Variants in MBP observed in about 807,000 individuals in gnomAD.
MBP encodes the protein myelin basic protein, also known as Golli-MBP.
In MBP, 16 loss-of-function variants were observed where a neutral mutation model predicts 35.8. That is an observed-to-expected ratio of 0.45 (90% CI 0.30 to 0.68). The LOEUF is 0.68. Among genes scored for constraint, MBP ranks in the 30% least tolerant of loss-of-function variants. The pLI, the probability that MBP is intolerant of heterozygous loss-of-function variation, is 0.08. For missense variants in MBP, 380 were observed against 404.7 expected (o/e 0.94, Z 0.52); for synonymous variants, 143 against 159.6 (o/e 0.90, Z 0.78).
chr18:77,019,940 G>C (rs1163458631), intron 3 of MBP, among the ~76,000 whole-genome samples: 1 of 152,178 alleles, frequency 6.6e-6, no homozygotes, highest in African/African-American at 2.4e-5. Flanking sequence ...AACCTGGGAG[G>C]CAGGAGGGCC....
At chr18:77,041,198 C>T (rs1449276973) in intron 3 of MBP, among the ~76,000 whole-genome samples, 1 of 152,190 alleles carries the variant, frequency 6.6e-6, no homozygotes, top group African/African-American at 2.4e-5. Context: ...CACTGGTCAT[C>T]AGAGAAATGC....
intron 2 of MBP, among the ~76,000 whole-genome samples, chr18:77,072,206 T>A (rs1475151099): frequency 2.0e-5 from 3 of 152,134 alleles, no homozygotes; most frequent in African/African-American, 7.2e-5. Context: ...TATGCACAAA[T>A]CTGAATATGG....
intron 2 of MBP, among the ~76,000 whole-genome samples, chr18:77,082,639 C>T (rs972464732): frequency 2.9e-5 from 4 of 139,638 alleles, no homozygotes; most frequent in Non-Finnish European, 6.3e-5. Flanking sequence ...ACTGGGCATG[C>T]GGCTCAGGGA....
chr18:76,986,629 C>G (rs866914544), intron 7 of MBP: 1 of 985,534 alleles, frequency 1.0e-6, no homozygotes, highest in South Asian at 4.7e-5. Flanking sequence ...GCACTGCACA[C>G]GAGGGGACAG....
At chr18:77,123,992 C>T (rs1976965104) in intron 1 of MBP, among the ~76,000 whole-genome samples, 1 of 152,206 alleles carries the variant, frequency 6.6e-6, no homozygotes, top group African/African-American at 2.4e-5. Flanking sequence ...CTGCCCTGAG[C>T]TCCATCCCTT....
intron 8 of MBP, chr18:76,983,480 T>C (rs1039286378): frequency 7.9e-5 from 12 of 152,200 alleles, no homozygotes; most frequent in Non-Finnish European, 1.6e-4. Flanking sequence ...TCCGCCCTCT[T>C]GTGGCCACAT....
chr18:77,008,259 G>A (rs1303603658), intron 4 of MBP, among the ~76,000 whole-genome samples: 1 of 152,034 alleles, frequency 6.6e-6, no homozygotes, highest in African/African-American at 2.4e-5. Context: ...CGGCAGGGTC[G>A]GTGCCTCCCA....
rs1285644176 is a variant in MBP at position 76,989,613 on chromosome 18, C to G, written c.681+343G>C. The G allele has an allele frequency of 2.0e-5, 6 of 298,504 alleles. No individual in the cohort carries two copies. Among genetic ancestry groups the G allele is most frequent in the South Asian group, 3.2e-5 (1 of 31,134 alleles). The allele number at this position is 298,504 out of a possible 1,614,324, so 18.5% of individuals were successfully genotyped here. A position where few individuals can be genotyped will look rare whatever the true frequency, so the allele number is the denominator to read the frequency against. On this transcript the variant is annotated intron_variant, in intron 5 of 8. Transcript: ENST00000355994. This position sits in a 1 kb window ranked among gnomAD's most constrained non-coding sequence, Gnocchi z 4.0. The stretch of plus-strand genomic sequence containing the variant: ...AAATGCCCTAAAAATGCCCTGTGCT[C>G]TCTCTGCTGCCCCCTCCGCTCCCAG...
intron 4 of MBP, chr18:77,004,782 C>T (rs1285034402): frequency 6.6e-6 from 1 of 152,338 alleles, no homozygotes; most frequent in Non-Finnish European, 1.5e-5. Context: ...GAGGTTGTTG[C>T]TTTGCCCCAT....
chr18:77,128,654 A>G (rs184959429), intron 1 of MBP, among the ~76,000 whole-genome samples: 24 of 152,308 alleles, frequency 1.6e-4, no homozygotes, highest in African/African-American at 5.8e-4. Context: ...GCATTGTACT[A>G]TGGTTTTGTA....
At chr18:77,074,340 G>C (rs550110693) in intron 2 of MBP, among the ~76,000 whole-genome samples, 1 of 150,920 alleles carries the variant, frequency 6.6e-6, no homozygotes, top group African/African-American at 2.4e-5. Flanking sequence ...CAGTGAGCCC[G>C]GGTCTCAAGG....
chr18:77,087,910 G>A (rs1278432559), intron 2 of MBP, among the ~76,000 whole-genome samples: 2 of 152,100 alleles, frequency 1.3e-5, no homozygotes, highest in African/African-American at 2.4e-5. Flanking sequence ...GCGGGGCAGG[G>A]GATGGGGCAG....
chr18:77,027,376 C>G (rs112807236), intron 3 of MBP, among the ~76,000 whole-genome samples: 1 of 152,190 alleles, frequency 6.6e-6, no homozygotes, highest in Non-Finnish European at 1.5e-5. Context: ...TGCCTGCACA[C>G]GCCTGCCCGC....
Position 76,992,627 on chromosome 18 carries a change from T to C in MBP, c.577-2567A>G, listed in dbSNP as rs180830256. On this transcript the variant is annotated intron_variant, in intron 4 of 8. Transcript: ENST00000355994. ...AACGTGGTGAGGCTTCCTGTCCACC[T>C]TCCCAGCATTCAGCACCCAGAGCAG... 3.1e-3 allele frequency among the ~76,000 whole-genome samples: 473 copies of C among 152,298 alleles called. 1 individual carries two copies. Among genetic ancestry groups the C allele is most frequent in the Non-Finnish European group, 4.9e-3 (335 of 68,002 alleles).
At chr18:77,033,605 A>G (rs906137657) in intron 3 of MBP, among the ~76,000 whole-genome samples, 1 of 151,930 alleles carries the variant, frequency 6.6e-6, no homozygotes, top group African/African-American at 2.4e-5. Context: ...CCATCCATGC[A>G]TTCACTCACC....
intron 4 of MBP, among the ~76,000 whole-genome samples, chr18:76,999,445 G>T (rs1970513711): frequency 6.6e-6 from 1 of 151,668 alleles, no homozygotes; most frequent in Admixed American, 6.6e-5. Context: ...AAGGGTTCCT[G>T]CTGTTTAGTT....
intron 4 of MBP, chr18:77,005,109 G>A (rs1210528001): frequency 6.6e-6 from 1 of 152,242 alleles, no homozygotes. Flanking sequence ...CCCTTTCAGT[G>A]GCTGCATTTT....
At chr18:77,116,670 C>T (rs1224075575) in intron 1 of MBP, among the ~76,000 whole-genome samples, 1 of 152,156 alleles carries the variant, frequency 6.6e-6, no homozygotes, top group East Asian at 1.9e-4. Context: ...ACCAGCCTGG[C>T]CAACACGGCG....
At chr18:77,033,757 C>CCTAT (rs1972630150) in intron 3 of MBP, among the ~76,000 whole-genome samples, 2 of 120,484 alleles carry the variant, frequency 1.7e-5, no homozygotes, top group Non-Finnish European at 3.4e-5. Flanking sequence ...CATCAATCCA[C>CCTAT]CCATCCATCC....
Sources: gnomAD v4.1 joint callset for allele counts (sites outside exome capture counted in the v4.1 genomes callset) on GRCh38, gnomAD v4.1.1 for gene constraint, Gnocchi (gnomAD v3.1) non-coding constraint, MANE v1.5 for transcripts, NCBI Gene and HGNC (gene_info 2026-07-23, HGNC 2026-07-21) for gene names.